The following DENND3 variants were observed in gnomAD, a reference collection of about 807,000 sequenced individuals.
DENND3 encodes the protein DENN domain containing 3.
A neutral mutation model predicts 135.1 loss-of-function variants in DENND3; 88 were observed. The ratio of observed to expected loss-of-function variants is 0.65; its 90% confidence interval spans 0.55 to 0.78. The LOEUF (loss-of-function observed/expected upper bound fraction) is 0.78. Ranked by LOEUF, DENND3 falls within the 30% of genes least tolerant of loss-of-function variation. The pLI, the probability that DENND3 is intolerant of heterozygous loss-of-function variation, is 0.00. For missense variants in DENND3, 1,392 were observed against 1,688.4 expected (o/e 0.82, Z 3.08); for synonymous variants, 693 against 712.3 (o/e 0.97, Z 0.43).
rs955937976 is a variant in DENND3 at position 141,174,390 on chromosome 8, G to C, written c.2276-810G>C. On this transcript the variant is annotated intron_variant, in intron 13 of 22. Coordinates refer to ENST00000519811, the MANE Select transcript of DENND3 (RefSeq NM_001352890.3). This position sits in a 1 kb window ranked among gnomAD's most constrained non-coding sequence, Gnocchi z 4.6. ...TGAGGGGGACTTGCTGCACGTCAGG[G>C]GACAGAGAGAGGGACACTGGGTGGA... 3.9e-5 allele frequency among the ~76,000 whole-genome samples: 6 copies of C among 152,158 alleles called. No homozygotes were observed. Among genetic ancestry groups the C allele is most frequent in the Admixed American group, 1.3e-4 (2 of 15,282 alleles).
Position 141,128,818 on chromosome 8 carries a change from C to CG in DENND3, c.102+13dup. On this transcript the variant is annotated intron_variant, in intron 1 of 22. Coordinates refer to ENST00000519811, the MANE Select transcript of DENND3 (RefSeq NM_001352890.3). The surrounding 1 kb of genome is among the most constrained non-coding windows in gnomAD (Gnocchi z 4.5). ...TCCGAAGTCTCGAGCAGGTGAGGGG[C>CG]GGGGAAACTGAGGCGGACGTGGGCC... The CG allele has an allele frequency of 7.2e-7, 1 of 1,396,410 alleles. No individual in the cohort carries two copies. Among genetic ancestry groups the CG allele is most frequent in the Non-Finnish European group, 9.4e-7 (1 of 1,069,116 alleles). The allele number at this position is 1,396,410 out of a possible 1,614,324, so 86.5% of individuals were successfully genotyped here.
chr8:141,177,014 C>T, intron 15 of DENND3: 1 of 466,168 alleles, frequency 2.1e-6, no homozygotes, highest in Non-Finnish European at 3.9e-6. Flanking sequence ...GGTGTGGGTG[C>T]CCCACTGCCC....
At chr8:141,135,618 C>T (rs950783207) in intron 1 of DENND3, among the ~76,000 whole-genome samples, 7 of 152,162 alleles carry the variant, frequency 4.6e-5, no homozygotes, top group African/African-American at 1.2e-4. Flanking sequence ...GCAGGGTGTC[C>T]ACCTTGGAAA....
intron 8 of DENND3, among the ~76,000 whole-genome samples, chr8:141,159,880 T>G (rs937893401): frequency 1.3e-5 from 2 of 151,876 alleles, no homozygotes; most frequent in African/African-American, 4.8e-5. Flanking sequence ...GGGCCAAGAG[T>G]GGTGACACCC....
chr8:141,147,992 A>G (rs762496746), intron 5 of DENND3, among the ~76,000 whole-genome samples: 1 of 152,216 alleles, frequency 6.6e-6, no homozygotes, highest in Non-Finnish European at 1.5e-5. Context: ...CTAAGTTGGT[A>G]TAATGCTTGT....
At chr8:141,187,885 C>CTTAG (rs1454240712) in intron 18 of DENND3, among the ~76,000 whole-genome samples, 2 of 152,128 alleles carry the variant, frequency 1.3e-5, no homozygotes, top group African/African-American at 4.8e-5. Flanking sequence ...TCAGTTCGTT[C>CTTAG]TTAGTTATAA....
At chr8:141,195,803 C>CAGTG (rs1233798994) in exon 23 of DENND3, 1 of 152,158 alleles carries the variant, frequency 6.6e-6, no homozygotes, top group African/African-American at 2.4e-5. Flanking sequence ...GTTTAATAAA[C>CAGTG]ACTGATGTCC....
At position 141,145,836 on chromosome 8, in the gene DENND3, TATATATATATATATGTA is replaced by T. The variant is rs1569555475; in HGVS notation, c.735+1578_735+1594del. 1.3e-3 allele frequency among the ~76,000 whole-genome samples: 104 copies of T among 82,166 alleles called. 3 individuals carry two copies. Among genetic ancestry groups the T allele is most frequent in the African/African-American group, 7.3e-3 (81 of 11,148 alleles). The allele number at this position is 82,166 out of a possible 152,430, so 53.9% of individuals were successfully genotyped here. A position where few individuals can be genotyped will look rare whatever the true frequency, so the allele number is the denominator to read the frequency against. On this transcript the variant is annotated intron_variant, in intron 5 of 22. Coordinates refer to ENST00000519811, the MANE Select transcript of DENND3 (RefSeq NM_001352890.3). ...ATATATATATATATATATATATATATATATATATATATATGTATTTTTTTTTTTTTGAGGCGGAGTCT... is the reference window on the plus strand; with the variant it reads ...ATATATATATATATATATATATATATTTTTTTTTTTTTTGAGGCGGAGTCT...
intron 5 of DENND3, among the ~76,000 whole-genome samples, chr8:141,149,091 G>C (rs1744702975): frequency 6.6e-6 from 1 of 152,054 alleles, no homozygotes. Context: ...TGTATTTTTA[G>C]TAGAGACAAG....
At chr8:141,158,192 G>C in intron 8 of DENND3, 1 of 1,289,638 alleles carries the variant, frequency 7.8e-7, no homozygotes, top group South Asian at 1.2e-5. Flanking sequence ...CTCCTCCCCA[G>C]CCAAGGGCAC....
At chr8:141,186,509 T>C (rs1468893935) in intron 18 of DENND3, among the ~76,000 whole-genome samples, 1 of 152,158 alleles carries the variant, frequency 6.6e-6, no homozygotes, top group Non-Finnish European at 1.5e-5. Context: ...TTAAAACATA[T>C]GTTGAGTTTT....
In DENND3 at chr8:141,176,281, ACAAAAC is replaced by A. The variant is rs1569556481; in HGVS notation, c.2536-309_2536-304del. Reference sequence around the variant, plus strand: ...GAGATGGAAGTAAAAAAAAACAAAAACAAAACAAAAAAAAAAAAACAAAAAGAGGGA... The same window carrying A: ...GAGATGGAAGTAAAAAAAAACAAAAAAAAAAAAAAAAAACAAAAAGAGGGA... On this transcript the variant is annotated intron_variant, in intron 14 of 22. Coordinates refer to ENST00000519811, the MANE Select transcript of DENND3 (RefSeq NM_001352890.3). 3.5e-3 allele frequency: 779 copies of A among 219,534 alleles called. 9 individuals are homozygous for A. The highest frequency in any genetic ancestry group is 0.018 in the African/African-American group (746 of 40,528). 13.6% of individuals were successfully genotyped at this position (219,534 alleles called of 1,614,324 possible).
intron 7 of DENND3, among the ~76,000 whole-genome samples, chr8:141,153,074 A>T (rs867139667): frequency 1.7e-4 from 23 of 138,072 alleles, no homozygotes; most frequent in Middle Eastern, 3.8e-3. Flanking sequence ...TTAACTTTCC[A>T]TTTTGAACAA....
intron 9 of DENND3, 102 bp from the exon 10 acceptor site, chr8:141,163,231 A>C: frequency 1.7e-6 from 1 of 597,172 alleles, no homozygotes; most frequent in Non-Finnish European, 2.9e-6. Flanking sequence ...TGGCTTTTTC[A>C]AAGTTCGTAT....
intron 17 of DENND3, 79 bp downstream of exon 17, chr8:141,180,933 T>A: frequency 1.7e-6 from 2 of 1,209,808 alleles, no homozygotes; most frequent in Admixed American, 2.2e-5. Context: ...GGGTCAGCCC[T>A]GAAGTGAAAG....
At chr8:141,186,142 T>TGCCCAGGCTGGGAACGATGTC (rs1823862976) in intron 18 of DENND3, among the ~76,000 whole-genome samples, 1 of 152,110 alleles carries the variant, frequency 6.6e-6, no homozygotes, top group African/African-American at 2.4e-5. Flanking sequence ...TTTGCCACGC[T>TGCCCAGGCTGGGAACGATGTC]GCCCAGGCTG....
At position 141,144,676 on chromosome 8, in the gene DENND3, G is replaced by A. The variant is rs965832826; in HGVS notation, c.735+417G>A. ...CATGACAGGAAGGAAGGTCAGACAC[G>A]CCTTGTTATGCCCGCTCCCTTTTGG... On this transcript the variant is annotated intron_variant, in intron 5 of 22. Transcript: ENST00000519811. This position sits in a 1 kb window ranked among gnomAD's most constrained non-coding sequence, Gnocchi z 4.4. Among the ~76,000 whole-genome samples, 1 of 152,136 alleles carries A rather than the reference G, an allele frequency of 6.6e-6. No individual in the cohort carries two copies. The highest frequency in any genetic ancestry group is 2.4e-5 in the African/African-American group (1 of 41,432).
Position 141,136,691 on chromosome 8 carries a change from G to C in DENND3, c.285G>C (p.Gln95His). 2.5e-6 allele frequency: 4 copies of C among 1,613,230 alleles called. No homozygotes were observed. The highest frequency in any genetic ancestry group is 3.4e-6 in the Non-Finnish European group (4 of 1,179,704). ...AGAGAGAGAAGCCCAGACCAGAGCA[G>C]TGGAAGGGCCTCCCGGGGCCCCCCA... is the stretch of plus-strand genomic sequence containing the variant. Reference protein sequence around the residue: ...RKKREKPRPEQWKGLPGPPRA... With the variant: ...RKKREKPRPEHWKGLPGPPRA... Residue 95 changes from glutamine (Q) to histidine (H), a missense_variant, in exon 2 of 23, where the codon CAG (glutamine) becomes CAC (histidine). By Grantham distance (24) the Gln-to-His change is conservative. Transcript: ENST00000519811.
chr8:141,189,753 G>C (rs868335169), intron 19 of DENND3, among the ~76,000 whole-genome samples: 9 of 152,216 alleles, frequency 5.9e-5, no homozygotes, highest in African/African-American at 2.2e-4. Flanking sequence ...GGGGTGGGTA[G>C]GGAGGTGCTA....
Sources: allele counts gnomAD v4.1 joint callset (sites outside exome capture counted in the v4.1 genomes callset), GRCh38; gene constraint gnomAD v4.1.1; non-coding constraint Gnocchi (gnomAD v3.1); transcripts MANE v1.5; gene names NCBI Gene and HGNC (gene_info 2026-07-23, HGNC 2026-07-21).